GFOD1: variants seen among roughly 807,000 people sequenced by gnomAD.
The protein encoded by GFOD1 is Gfo/Idh/MocA-like oxidoreductase domain containing 1.
A neutral mutation model predicts 25.4 loss-of-function variants in GFOD1; 9 were observed. The ratio of observed to expected loss-of-function variants is 0.35; its 90% confidence interval spans 0.21 to 0.62. GFOD1 has a LOEUF of 0.62. Among genes scored for constraint, GFOD1 ranks in the 20% least tolerant of loss-of-function variants. The pLI is 0.72. For missense variants in GFOD1, 403 were observed against 556.9 expected (o/e 0.72, Z 2.78); for synonymous variants, 253 against 245.6 (o/e 1.03, Z -0.28).
chr6:13,433,519 T>A lies in GFOD1; in HGVS notation c.253+53119A>T, dbSNP rs985570276. ...CTCCTAGATGCTGATAGCTCCTCAA[T>A]TGGGACAACCAAAAATGTCTCCAGA... On this transcript the variant is annotated intron_variant, in intron 1 of 1. Transcript: ENST00000379287. Among the ~76,000 whole-genome samples, 3 of 152,274 alleles carry A rather than the reference T, an allele frequency of 2.0e-5. No homozygotes were observed. In the East Asian group the frequency reaches 5.8e-4, roughly 29 times the overall value.
At chr6:13,458,812 G>A (rs957921218) in intron 1 of GFOD1, among the ~76,000 whole-genome samples, 1 of 139,644 alleles carries the variant, frequency 7.2e-6, no homozygotes, top group Non-Finnish European at 1.5e-5. Context: ...AGAGCATTTG[G>A]GGCATGATTT....
rs899858745 is a variant in GFOD1 at position 13,364,390 on chromosome 6, A to C, written c.*353T>G. The C allele has an allele frequency of 8.0e-6, 2 of 250,992 alleles. No homozygotes were observed. The highest frequency in any genetic ancestry group is 4.4e-5 in the African/African-American group (2 of 45,232). The allele number at this position is 250,992 out of a possible 1,614,324, so 15.5% of individuals were successfully genotyped here. On this transcript the variant is annotated 3_prime_UTR_variant, in exon 2 of 2. Transcript: ENST00000379287. This position sits in a 1 kb window ranked among gnomAD's most constrained non-coding sequence, Gnocchi z 4.1. ...AGAACCACTTGGCTTGCAGAAGGCC[A>C]AGGTGTGTGGGATGGATGAGGTAGG...
intron 1 of GFOD1, among the ~76,000 whole-genome samples, chr6:13,445,104 A>T (rs1757982232): frequency 6.6e-6 from 1 of 152,196 alleles, no homozygotes; most frequent in Non-Finnish European, 1.5e-5. Flanking sequence ...ACTGGCAGGG[A>T]CTAAACACGG....
At chr6:13,473,229 G>A (rs993200960) in intron 1 of GFOD1, among the ~76,000 whole-genome samples, 3 of 152,184 alleles carry the variant, frequency 2.0e-5, no homozygotes, top group Non-Finnish European at 4.4e-5. Flanking sequence ...GGTCTCAACT[G>A]TATAACAAGA....
intron 1 of GFOD1, among the ~76,000 whole-genome samples, chr6:13,436,829 A>G (rs1757840289): frequency 6.6e-6 from 1 of 152,230 alleles, no homozygotes. Flanking sequence ...GATTACTCCT[A>G]TAAAAGGCTT....
chr6:13,454,797 A>G (rs925187691), intron 1 of GFOD1, among the ~76,000 whole-genome samples: 10 of 152,298 alleles, frequency 6.6e-5, no homozygotes, highest in African/African-American at 2.2e-4. Context: ...ACCACTGTCA[A>G]TGCTTCCCAG....
chr6:13,438,429 G>A (rs1006029456), intron 1 of GFOD1, among the ~76,000 whole-genome samples: 4 of 152,140 alleles, frequency 2.6e-5, no homozygotes, highest in African/African-American at 9.7e-5. Context: ...ACTATAGCCT[G>A]TAACCACTCA....
rs1300119389 is a variant in GFOD1, at chr6:13,443,698, C to T, written c.253+42940G>A. Among the ~76,000 whole-genome samples the T allele has an allele frequency of 2.6e-5, 4 of 151,890 alleles. No homozygotes were observed. In the East Asian group the frequency reaches 7.7e-4, roughly 29 times the overall value. ...GGGCATGGTGGTGGGCACCTGTAAT[C>T]CCAGCTACTCGGGAGGCTGAAGAAG... On this transcript the variant is annotated intron_variant, in intron 1 of 1. Coordinates refer to ENST00000379287, the MANE Select transcript of GFOD1 (RefSeq NM_018988.4).
intron 1 of GFOD1, among the ~76,000 whole-genome samples, chr6:13,382,573 G>A (rs542696283): frequency 1.4e-3 from 211 of 152,186 alleles, no homozygotes; most frequent in African/African-American, 4.8e-3. Context: ...TCAGTCTCAG[G>A]TATGTCTTTA....
At position 13,431,259 on chromosome 6, in the gene GFOD1, G is replaced by A. The variant is rs546029494; in HGVS notation, c.253+55379C>T. On this transcript the variant is annotated intron_variant, in intron 1 of 1. Coordinates refer to ENST00000379287, the MANE Select transcript of GFOD1 (RefSeq NM_018988.4). The stretch of plus-strand genomic sequence containing the variant: ...ATGGTGTCCAATCTTTACCACTCTA[G>A]GCAAGTAAGATTATTATTATTGCCC... Among the ~76,000 whole-genome samples, 45 of 152,266 alleles carry A rather than the reference G, an allele frequency of 3.0e-4. No individual in the cohort carries two copies. The South Asian group carries it at 3.5e-3, about 12-fold the overall frequency.
intron 1 of GFOD1, among the ~76,000 whole-genome samples, chr6:13,461,205 T>A (rs1470254113): frequency 6.6e-6 from 1 of 152,330 alleles, no homozygotes; most frequent in East Asian, 1.9e-4. Context: ...GTTTGCAGTC[T>A]CCTTCACAGC....
In GFOD1 at chr6:13,386,060, C is replaced by CTT. The variant is rs5874414; in HGVS notation, c.254-20400_254-20399dup. Among the ~76,000 whole-genome samples, 131 of 127,998 alleles carry CTT rather than the reference C, an allele frequency of 1.0e-3. 1 individual carries two copies. The highest frequency in any genetic ancestry group is 3.9e-3 in the Middle Eastern group (1 of 254). The allele number at this position is 127,998 out of a possible 152,430, so 84.0% of individuals were successfully genotyped here. A position where few individuals can be genotyped will look rare whatever the true frequency, so the allele number is the denominator to read the frequency against. On this transcript the variant is annotated intron_variant, in intron 1 of 1. Transcript: ENST00000379287. ...CCAGGCCAGGGAGTTTGGGTAATTCCTTTTTTTTTTTTTTTTTTGAGACAG... is the reference window on the plus strand; with the variant it reads ...CCAGGCCAGGGAGTTTGGGTAATTCCTTTTTTTTTTTTTTTTTTTTGAGACAG...
chr6:13,406,503 CG>C (rs973098226), intron 1 of GFOD1, among the ~76,000 whole-genome samples: 1 of 151,964 alleles, frequency 6.6e-6, no homozygotes, highest in Admixed American at 6.6e-5. Flanking sequence ...CCTAAACAGA[CG>C]GGAGGGGAGG....
intron 1 of GFOD1, among the ~76,000 whole-genome samples, chr6:13,447,740 CAAAAAAAAAAAAAAAA>C (rs34431944): frequency 2.5e-4 from 8 of 31,912 alleles, no homozygotes; most frequent in Admixed American, 6.4e-4. Flanking sequence ...GACTCCTTCT[CAAAAAAAAAAAAAAAA>C]AAAAAAAAAA....
At position 13,365,206 on chromosome 6, in the gene GFOD1, A is replaced by G; in HGVS notation, c.710T>C (p.Leu237Pro). 6.2e-7 allele frequency: 1 copy of G among 1,614,036 alleles called. No homozygotes were observed. The highest frequency in any genetic ancestry group is 8.5e-7 in the Non-Finnish European group (1 of 1,180,002). The change falls in exon 2 of 2, where the codon CTC becomes CCC. Residue 237 changes from leucine (L) to proline (P), a missense_variant. Leu to Pro is a moderately conservative substitution (Grantham distance 98, BLOSUM62 -3). Coordinates refer to ENST00000379287, the MANE Select transcript of GFOD1 (RefSeq NM_018988.4). The surrounding 1 kb of genome is among the most constrained non-coding windows in gnomAD (Gnocchi z 9.2). ...LEGGVCCTVT[L>P]NFNVPGEFKQ... ...GAACTCGCCGGGCACGTTGAAGTTGAGGGTGACGGTGCAGCACACCCCGCC... is the reference window on the plus strand; with the variant it reads ...GAACTCGCCGGGCACGTTGAAGTTGGGGGTGACGGTGCAGCACACCCCGCC...
intron 1 of GFOD1, among the ~76,000 whole-genome samples, chr6:13,458,662 C>T (rs2560755): frequency 0.45 from 66,178 of 148,574 alleles, 17,229 homozygotes; most frequent in Middle Eastern, 0.63. Context: ...GTTGTTGGGA[C>T]CTTAGAGGGA....
rs556640584 is a variant in GFOD1, at chr6:13,363,983, C to T, written c.*760G>A. On this transcript the variant is annotated 3_prime_UTR_variant, in exon 2 of 2. Transcript: ENST00000379287. ...GACAAGTTCAAAGGGATATTTTATTCTCTGCTGCCCCTGCTTTGGTGCAGC... is the reference window on the plus strand; with the variant it reads ...GACAAGTTCAAAGGGATATTTTATTTTCTGCTGCCCCTGCTTTGGTGCAGC... 1 of 152,286 alleles carries T rather than the reference C, an allele frequency of 6.6e-6. No homozygotes were observed. The highest frequency in any genetic ancestry group is 2.1e-4 in the South Asian group (1 of 4,830). 9.4% of individuals were successfully genotyped at this position (152,286 alleles called of 1,614,324 possible). A position where few individuals can be genotyped will look rare whatever the true frequency, so the allele number is the denominator to read the frequency against.
chr6:13,403,989 A>G (rs1475554421), intron 1 of GFOD1, among the ~76,000 whole-genome samples: 3 of 152,204 alleles, frequency 2.0e-5, no homozygotes, highest in Non-Finnish European at 4.4e-5. Context: ...TTTGGCAGGA[A>G]AAAAGTGGGA....
Position 13,360,128 on chromosome 6 carries a change from GA to G in GFOD1, c.*4614del, listed in dbSNP as rs1250986203. ...CTATGTGAGGCAGCATGAGACTTAA[GA>G]GGCAGAAAACCTGACTTTTTGTCCT... On this transcript the variant is annotated 3_prime_UTR_variant, in exon 2 of 2. Coordinates refer to ENST00000379287, the MANE Select transcript of GFOD1 (RefSeq NM_018988.4). 1 of 154,704 alleles carries G rather than the reference GA, an allele frequency of 6.5e-6. No homozygotes were observed. Among genetic ancestry groups the G allele is most frequent in the Admixed American group, 6.3e-5 (1 of 15,752 alleles). 9.6% of individuals were successfully genotyped at this position (154,704 alleles called of 1,614,324 possible).
Sources: gnomAD v4.1 joint callset for allele counts (sites outside exome capture counted in the v4.1 genomes callset) on GRCh38, gnomAD v4.1.1 for gene constraint, Gnocchi (gnomAD v3.1) non-coding constraint, MANE v1.5 for transcripts, NCBI Gene and HGNC (gene_info 2026-07-23, HGNC 2026-07-21) for gene names.